TTC39C: variants seen among roughly 807,000 people sequenced by gnomAD.
The protein encoded by TTC39C is tetratricopeptide repeat protein 39C.
A neutral mutation model predicts 76.3 loss-of-function variants in TTC39C; 33 were observed. That is an observed-to-expected ratio of 0.43 (90% CI 0.33 to 0.58). TTC39C has a LOEUF of 0.58. Among genes scored for constraint, TTC39C ranks in the 20% least tolerant of loss-of-function variants. The pLI, the probability that TTC39C is intolerant of heterozygous loss-of-function variation, is 0.04. For synonymous variants in TTC39C, 254 were observed against 260.6 expected, an observed-to-expected ratio of 0.97 and a Z score of 0.24; for missense variants, 595 against 701.4, an observed-to-expected ratio of 0.85 and a Z score of 1.71.
chr18:24,134,255 C>CTTTTTTT lies in TTC39C; in HGVS notation c.*1682_*1683insTTTTTTT, dbSNP rs1568450608. 2.1e-5 allele frequency: 1 copy of CTTTTTTT among 46,706 alleles called. No homozygotes were observed. Among genetic ancestry groups the CTTTTTTT allele is most frequent in the African/African-American group, 8.3e-5 (1 of 12,010 alleles). 2.9% of individuals were successfully genotyped at this position (46,706 alleles called of 1,614,324 possible). A position where few individuals can be genotyped will look rare whatever the true frequency, so the allele number is the denominator to read the frequency against. The stretch of plus-strand genomic sequence containing the variant: ...ATTGGTGCCCAAAAATATTGGACAT[C>CTTTTTTT]TGTTTTTTGTTTTTTTTTTTTTTTT... On this transcript the variant is annotated 3_prime_UTR_variant, in exon 14 of 14. Coordinates refer to ENST00000317571, the MANE Select transcript of TTC39C (RefSeq NM_001135993.2).
chr18:24,096,819 CAT>C (rs1022988296), intron 6 of TTC39C, among the ~76,000 whole-genome samples: 8 of 152,126 alleles, frequency 5.3e-5, no homozygotes, highest in Admixed American at 4.6e-4. Context: ...AATTATAAAA[CAT>C]AAACTTTATC....
At chr18:24,065,757 A>T (rs943962267) in intron 2 of TTC39C, among the ~76,000 whole-genome samples, 2 of 152,240 alleles carry the variant, frequency 1.3e-5, no homozygotes, top group African/African-American at 4.8e-5. Flanking sequence ...AACAGCAACA[A>T]CAAAATTTGT....
At chr18:24,021,539 C>CTTTTTTTT (rs60505555) in intron 1 of TTC39C, among the ~76,000 whole-genome samples, 1 of 118,890 alleles carries the variant, frequency 8.4e-6, no homozygotes, top group Non-Finnish European at 1.7e-5. Flanking sequence ...TTCTTTCCTT[C>CTTTTTTTT]TTTTTTTTTT....
Position 24,018,637 on chromosome 18 carries a change from T to A in TTC39C, c.167+3599T>A, listed in dbSNP as rs9960588. 5.5e-3 allele frequency among the ~76,000 whole-genome samples: 829 copies of A among 151,756 alleles called. 5 individuals carry two copies. Among genetic ancestry groups the A allele is most frequent in the African/African-American group, 0.019 (790 of 41,328 alleles). ...TAACTCAGCCTGAAGGACAGTTTTG[T>A]GGAGGAAATGATGCCTGAGCATTAT... On this transcript the variant is annotated intron_variant, in intron 1 of 13. Coordinates refer to ENST00000317571, the MANE Select transcript of TTC39C (RefSeq NM_001135993.2).
At position 24,118,120 on chromosome 18, in the gene TTC39C, C is replaced by T. The variant is rs1568444202; in HGVS notation, c.1079-5C>T. On this transcript the variant is annotated splice_region_variant and splice_polypyrimidine_tract_variant and intron_variant, in intron 7 of 13. Transcript: ENST00000317571. ...GGTCATGTGCTAAAAATATTTCTTT[C>T]ATAGGTTGGTGCAGCATGATAGAGC... The T allele has an allele frequency of 1.9e-6, 3 of 1,611,330 alleles. No homozygotes were observed. The highest frequency in any genetic ancestry group is 1.1e-5 in the South Asian group (1 of 90,662).
intron 1 of TTC39C, among the ~76,000 whole-genome samples, chr18:24,027,316 G>A (rs377294179): frequency 1.3e-5 from 2 of 152,060 alleles, no homozygotes; most frequent in South Asian, 4.2e-4. Context: ...AATTCATGCT[G>A]CACAGCCTCT....
intron 1 of TTC39C, among the ~76,000 whole-genome samples, chr18:24,033,617 C>T (rs2083699305): frequency 1.3e-5 from 2 of 152,200 alleles, no homozygotes; most frequent in African/African-American, 2.4e-5. Context: ...CTAATATGCA[C>T]AGATTCCAGT....
chr18:24,089,153 C>A (rs1375560872), intron 6 of TTC39C, among the ~76,000 whole-genome samples: 2 of 152,106 alleles, frequency 1.3e-5, no homozygotes, highest in African/African-American at 4.8e-5. Flanking sequence ...CCCGGGGGAT[C>A]ATGGAGAATA....
At chr18:24,009,009 T>C (rs1427867836) in intron 1 of TTC39C, among the ~76,000 whole-genome samples, 1 of 152,072 alleles carries the variant, frequency 6.6e-6, no homozygotes, top group African/African-American at 2.4e-5. Flanking sequence ...TGAGAACATA[T>C]GGACACAAAG....
upstream of TTC39C, chr18:24,013,080 G>A (rs2083406139): frequency 6.6e-6 from 1 of 152,158 alleles, no homozygotes; most frequent in Non-Finnish European, 1.5e-5. Flanking sequence ...TGCCATGAAG[G>A]ATGGTGACAC....
intron 3 of TTC39C, among the ~76,000 whole-genome samples, chr18:24,067,014 A>G (rs1483280255): frequency 6.6e-6 from 1 of 152,248 alleles, no homozygotes; most frequent in Non-Finnish European, 1.5e-5. Flanking sequence ...ACGATGGATT[A>G]TGCTAAAATC....
chr18:24,023,969 TATATATATATACATATATATATATA>T (rs2083554674), intron 1 of TTC39C, among the ~76,000 whole-genome samples: 1 of 13,872 alleles, frequency 7.2e-5, no homozygotes. Flanking sequence ...TATATATATA[TATATATATATACATATATATATATA>T]TATATATATA....
chr18:24,068,260 C>T (rs1164616104), intron 3 of TTC39C, among the ~76,000 whole-genome samples: 2 of 152,160 alleles, frequency 1.3e-5, no homozygotes, highest in Non-Finnish European at 2.9e-5. Flanking sequence ...AACGAGGAAA[C>T]AGAAGCATCT....
chr18:23,998,828 A>G (rs1427939661), intron 1 of TTC39C, among the ~76,000 whole-genome samples: 3 of 48,838 alleles, frequency 6.1e-5, no homozygotes, highest in Admixed American at 4.5e-4. Flanking sequence ...TCTCTGGAGC[A>G]CTCAAGTGGT....
At chr18:23,997,469 T>C (rs117428668) in intron 1 of TTC39C, among the ~76,000 whole-genome samples, 5,180 of 146,752 alleles carry the variant, frequency 0.035, 348 homozygotes, top group Admixed American at 0.16. Flanking sequence ...GGAGAACTGC[T>C]TGAAGCCAGG....
At chr18:24,025,694 G>A (rs538925022) in intron 1 of TTC39C, among the ~76,000 whole-genome samples, 20 of 152,280 alleles carry the variant, frequency 1.3e-4, no homozygotes, top group African/African-American at 4.8e-4. Flanking sequence ...ACCCCAGAAC[G>A]GCCCAACAGG....
chr18:24,045,913 A>G (rs200024787), intron 1 of TTC39C, among the ~76,000 whole-genome samples: 22 of 41,364 alleles, frequency 5.3e-4, no homozygotes, highest in South Asian at 2.0e-3. Flanking sequence ...ATATATATAT[A>G]TATATATATA....
At chr18:24,130,801 T>C (rs2085117778) in intron 12 of TTC39C, among the ~76,000 whole-genome samples, 1 of 152,072 alleles carries the variant, frequency 6.6e-6, no homozygotes, top group Admixed American at 6.6e-5. Context: ...AGCATGTTAC[T>C]GTATTGAATA....
At chr18:24,121,339 G>A (rs1256262864) in intron 8 of TTC39C, among the ~76,000 whole-genome samples, 2 of 152,122 alleles carry the variant, frequency 1.3e-5, no homozygotes, top group Non-Finnish European at 2.9e-5. Context: ...TTGGGAGGCC[G>A]AGGCGTGTGG....
Sources: gnomAD v4.1 joint callset for allele counts (sites outside exome capture counted in the v4.1 genomes callset) on GRCh38, gnomAD v4.1.1 for gene constraint, MANE v1.5 for transcripts, NCBI Gene and HGNC (gene_info 2026-07-23, HGNC 2026-07-21) for gene names.